A1CF: variants seen among roughly 807,000 people sequenced by gnomAD.
The protein encoded by A1CF is APOBEC-1 stimulating protein.
In A1CF, 48 loss-of-function variants were observed where a neutral mutation model predicts 68.9. The observed-to-expected ratio is 0.70, with a 90% confidence interval of 0.55 to 0.89. The LOEUF is 0.89. A1CF is among the 40% of genes least tolerant of loss of function. The pLI is 0.00. For synonymous variants in A1CF, 272 were observed against 260.4 expected (o/e 1.04, Z -0.43); for missense variants, 653 against 718.9 (o/e 0.91, Z 1.05).
intron 3 of A1CF, among the ~76,000 whole-genome samples, chr10:50,857,346 G>A (rs902241747): frequency 6.6e-6 from 1 of 152,086 alleles, no homozygotes. Context: ...TTTGAAATAT[G>A]TAATAAATTA....
rs1268990241 is a variant in A1CF, at chr10:50,859,824, G to A, written c.99+18C>T. 1.2e-6 allele frequency: 2 copies of A among 1,608,786 alleles called. No individual in the cohort carries two copies. The highest frequency in any genetic ancestry group is 8.5e-7 in the Non-Finnish European group (1 of 1,176,080). On this transcript the variant is annotated intron_variant, in intron 3 of 12. Coordinates refer to ENST00000373997, the MANE Select transcript of A1CF (RefSeq NM_014576.4). ...GCAAATTCAGTGGTGAGTCTCAGCA[G>A]ATTTCACAAGTTCCTACCTGGACCA... is the stretch of plus-strand genomic sequence containing the variant.
chr10:50,850,239 G>A (rs1169197742), intron 3 of A1CF, among the ~76,000 whole-genome samples: 2 of 152,166 alleles, frequency 1.3e-5, no homozygotes, highest in Admixed American at 1.3e-4. Context: ...ACCATTGAAA[G>A]TCTATTTCCA....
Position 50,856,273 on chromosome 10 carries a change from G to A in A1CF, c.99+3569C>T, listed in dbSNP as rs115901068. Among the ~76,000 whole-genome samples, 1,290 of 152,088 alleles carry A rather than the reference G, an allele frequency of 8.5e-3. 15 individuals carry two copies. Among genetic ancestry groups the A allele is most frequent in the African/African-American group, 0.03 (1,227 of 41,512 alleles). Reference sequence around the variant, plus strand: ...GTCATAGGGACTAGATTAGATTACAGGCCTTCTGATTTAAAGTCTTGGATA... The same window carrying A: ...GTCATAGGGACTAGATTAGATTACAAGCCTTCTGATTTAAAGTCTTGGATA... On this transcript the variant is annotated intron_variant, in intron 3 of 12. Coordinates refer to ENST00000373997, the MANE Select transcript of A1CF (RefSeq NM_014576.4).
chr10:50,885,054 A>G (rs1841943602), intron 1 of A1CF, among the ~76,000 whole-genome samples: 1 of 152,218 alleles, frequency 6.6e-6, no homozygotes, highest in Non-Finnish European at 1.5e-5. Flanking sequence ...GGTTAGCAAG[A>G]TAATGGCAGG....
chr10:50,813,614 A>G (rs916013377), intron 10 of A1CF, among the ~76,000 whole-genome samples: 5 of 152,184 alleles, frequency 3.3e-5, no homozygotes, highest in African/African-American at 1.2e-4. Flanking sequence ...TTTGCATTTC[A>G]GTGGAATATT....
intron 12 of A1CF, among the ~76,000 whole-genome samples, chr10:50,807,738 C>A (rs186772712): frequency 2.6e-5 from 4 of 152,228 alleles, no homozygotes; most frequent in African/African-American, 9.6e-5. Flanking sequence ...CTGAGATTAT[C>A]CAGAAATTGT....
At chr10:50,875,551 A>C (rs1010434666) in intron 1 of A1CF, among the ~76,000 whole-genome samples, 4 of 152,214 alleles carry the variant, frequency 2.6e-5, no homozygotes, top group Non-Finnish European at 4.4e-5. Context: ...AATTGCTATG[A>C]ATTCTAACTC....
chr10:50,851,180 T>C (rs1196359509), intron 3 of A1CF, among the ~76,000 whole-genome samples: 2 of 152,218 alleles, frequency 1.3e-5, no homozygotes, highest in Non-Finnish European at 2.9e-5. Flanking sequence ...CTGAGGGACT[T>C]GGCAAGGCAC....
At chr10:50,826,459 A>G (rs896121546) in intron 7 of A1CF, among the ~76,000 whole-genome samples, 16 of 152,182 alleles carry the variant, frequency 1.1e-4, no homozygotes, top group African/African-American at 3.9e-4. Context: ...AAGCCAGGAG[A>G]GAGTGGGGGC....
At chr10:50,854,124 C>T (rs1356955377) in intron 3 of A1CF, among the ~76,000 whole-genome samples, 1 of 151,410 alleles carries the variant, frequency 6.6e-6, no homozygotes, top group Non-Finnish European at 1.5e-5. Context: ...ATCTTTTCTA[C>T]CTTATGAGAT....
chr10:50,831,626 G>A (rs1839245332), intron 6 of A1CF, among the ~76,000 whole-genome samples: 2 of 152,180 alleles, frequency 1.3e-5, no homozygotes, highest in Admixed American at 6.5e-5. Flanking sequence ...TACTCAGGAG[G>A]CTGAGGCAGG....
chr10:50,877,839 A>C (rs1374550247), intron 1 of A1CF, among the ~76,000 whole-genome samples: 1 of 152,170 alleles, frequency 6.6e-6, no homozygotes, highest in Non-Finnish European at 1.5e-5. Context: ...AAACTGAAAG[A>C]GGGCCGGGCG....
chr10:50,808,820 G>A (rs558598898), intron 12 of A1CF, among the ~76,000 whole-genome samples: 90 of 152,140 alleles, frequency 5.9e-4, no homozygotes, highest in African/African-American at 2.1e-3. Flanking sequence ...CTGAGAAGGA[G>A]CCCCAGGTGC....
At chr10:50,838,170 T>C (rs1223505467) in intron 5 of A1CF, among the ~76,000 whole-genome samples, 2 of 152,218 alleles carry the variant, frequency 1.3e-5, no homozygotes, top group Non-Finnish European at 2.9e-5. Flanking sequence ...ATTGGTCTGA[T>C]ATCCATGGAG....
At chr10:50,818,869 T>G (rs1254065666) in intron 8 of A1CF, among the ~76,000 whole-genome samples, 1 of 152,058 alleles carries the variant, frequency 6.6e-6, no homozygotes, top group Non-Finnish European at 1.5e-5. Flanking sequence ...GATCCTCCCT[T>G]TGCCATCTGG....
At position 50,828,181 on chromosome 10, in the gene A1CF, A is replaced by T; in HGVS notation, c.719T>A (p.Leu240Gln). ...TTCAATCATCTCTTCAGAGGTAGAC[A>T]GCATAAGATTTCTTACATATAGGAT... The part of the protein sequence containing the change: ...VKILYVRNLM[L>Q]STSEEMIEKE... Residue 240 changes from leucine to glutamine, a missense_variant, in exon 7 of 13, where the codon CTG becomes CAG. Physicochemically the swap from Leu to Gln is moderately radical, Grantham distance 113 (BLOSUM62 -2). Transcript: ENST00000373997. 6.2e-7 allele frequency: 1 copy of T among 1,607,690 alleles called. No homozygotes were observed. The highest frequency in any genetic ancestry group is 8.5e-7 in the Non-Finnish European group (1 of 1,175,600).
At chr10:50,812,136 G>A (rs1467178403) in intron 10 of A1CF, among the ~76,000 whole-genome samples, 2 of 152,146 alleles carry the variant, frequency 1.3e-5, no homozygotes, top group Non-Finnish European at 2.9e-5. Flanking sequence ...AGGATCTCTT[G>A]TAATCCTCAG....
At chr10:50,843,345 C>T (rs1452142818) in intron 4 of A1CF, among the ~76,000 whole-genome samples, 6 of 152,042 alleles carry the variant, frequency 3.9e-5, no homozygotes, top group East Asian at 3.9e-4. Context: ...AGGCTGTTAA[C>T]ACACACACAC....
chr10:50,832,751 A>G (rs1285965867), intron 6 of A1CF, among the ~76,000 whole-genome samples: 1 of 152,214 alleles, frequency 6.6e-6, no homozygotes, highest in Non-Finnish European at 1.5e-5. Flanking sequence ...AGAAGACTTA[A>G]TAACTTTTAA....
Sources: allele counts gnomAD v4.1 joint callset (sites outside exome capture counted in the v4.1 genomes callset), GRCh38; gene constraint gnomAD v4.1.1; transcripts MANE v1.5; gene names NCBI Gene and HGNC (gene_info 2026-07-23, HGNC 2026-07-21).